FBXO42: variants seen among roughly 807,000 people sequenced by gnomAD.
The protein encoded by FBXO42 is F-box only protein 42.
FBXO42 carries 12 observed loss-of-function variants against 71.7 expected under a neutral mutation model. The ratio of observed to expected loss-of-function variants is 0.17; its 90% CI spans 0.11 to 0.27. FBXO42 has a LOEUF of 0.27. FBXO42 is among the 10% of genes least tolerant of loss of function. The probability of loss-of-function intolerance (pLI) is 1.00; values close to 1 mark genes in which losing one functional copy is unlikely to be tolerated. For missense variants in FBXO42, 707 were observed against 911.9 expected, an observed-to-expected ratio of 0.78 and a Z score of 2.89; for synonymous variants, 325 against 327.5, an observed-to-expected ratio of 0.99 and a Z score of 0.08.
intron 4 of FBXO42, among the ~76,000 whole-genome samples, chr1:16,269,584 G>A (rs2081816595): frequency 1.3e-5 from 2 of 151,812 alleles, no homozygotes; most frequent in Non-Finnish European, 2.9e-5. Flanking sequence ...GGAGTGCAAT[G>A]GCGTGATCTC....
intron 3 of FBXO42, among the ~76,000 whole-genome samples, chr1:16,305,358 A>G (rs922085016): frequency 1.3e-5 from 2 of 152,174 alleles, no homozygotes; most frequent in African/African-American, 4.8e-5. Flanking sequence ...ACCATATCAC[A>G]GCCTGGGTGA....
intron 4 of FBXO42, chr1:16,294,279 G>A (rs1341001200): frequency 6.6e-6 from 1 of 152,318 alleles, no homozygotes; most frequent in Non-Finnish European, 1.5e-5. Context: ...TTCTGGCATA[G>A]TGGGACTGGG....
At chr1:16,317,960 G>A (rs1429729754) in intron 1 of FBXO42, among the ~76,000 whole-genome samples, 1 of 151,730 alleles carries the variant, frequency 6.6e-6, no homozygotes, top group East Asian at 1.9e-4. Flanking sequence ...TATACTATAC[G>A]ATTACAATTA....
At position 16,325,621 on chromosome 1, in the gene FBXO42, A is replaced by G. The variant is rs143440560; in HGVS notation, c.-17-10186T>C. On this transcript the variant is annotated intron_variant, in intron 1 of 9. Coordinates refer to ENST00000375592, the MANE Select transcript of FBXO42 (RefSeq NM_018994.3). ...GAAAAAATTTAAAAATGGAAAAATA[A>G]AGTATTCCACAAACTACCCATCAAT... 1.5e-3 allele frequency among the ~76,000 whole-genome samples: 225 copies of G among 152,264 alleles called. 1 individual carries two copies. Among genetic ancestry groups the G allele is most frequent in the African/African-American group, 5.2e-3 (218 of 41,546 alleles).
At chr1:16,298,110 C>G (rs2082150944) in intron 3 of FBXO42, among the ~76,000 whole-genome samples, 1 of 151,948 alleles carries the variant, frequency 6.6e-6, no homozygotes, top group Admixed American at 6.6e-5. Flanking sequence ...CTGTAACTCC[C>G]AGCTACTGGG....
chr1:16,265,534 CATT>C (rs1216556994), intron 4 of FBXO42, among the ~76,000 whole-genome samples: 1 of 151,900 alleles, frequency 6.6e-6, no homozygotes, highest in African/African-American at 2.4e-5. Context: ...CTAATTTAAT[CATT>C]ATAACCTTAA....
chr1:16,325,830 T>G (rs1043434668), intron 1 of FBXO42, among the ~76,000 whole-genome samples: 2 of 152,106 alleles, frequency 1.3e-5, no homozygotes, highest in Non-Finnish European at 2.9e-5. Flanking sequence ...TTCACCATGC[T>G]GGCCAGGGTG....
At chr1:16,275,954 C>A (rs1254465030) in intron 4 of FBXO42, among the ~76,000 whole-genome samples, 1 of 151,914 alleles carries the variant, frequency 6.6e-6, no homozygotes, top group East Asian at 1.9e-4. Context: ...CAGAGTGAGA[C>A]CCCGTCTCAA....
In FBXO42 at chr1:16,251,951, T is replaced by G. The variant is rs568096626; in HGVS notation, c.1039-166A>C. Among the ~76,000 whole-genome samples the G allele has an allele frequency of 4.3e-4, 66 of 152,316 alleles. No homozygotes were observed. Among genetic ancestry groups the G allele is most frequent in the South Asian group, 4.1e-3 (20 of 4,828 alleles). ...TGCCCTCTAGGCTAGAAGTCAGACA[T>G]GGGAACAATCGCTGCTTTGTGTGAC... On this transcript the variant is annotated intron_variant, in intron 9 of 9. Transcript: ENST00000375592. This position sits in a 1 kb window ranked among gnomAD's most constrained non-coding sequence, Gnocchi z 4.5.
At chr1:16,265,116 G>A (rs963397254) in intron 4 of FBXO42, among the ~76,000 whole-genome samples, 6 of 152,102 alleles carry the variant, frequency 3.9e-5, no homozygotes, top group South Asian at 2.1e-4. Context: ...TTTTTGAGAC[G>A]GAGTTTCGCT....
At chr1:16,335,476 G>A (rs1205732436) in intron 1 of FBXO42, among the ~76,000 whole-genome samples, 5 of 152,108 alleles carry the variant, frequency 3.3e-5, no homozygotes, top group Non-Finnish European at 5.9e-5. Context: ...CAATTAGAGA[G>A]AATTAGCTGG....
intron 4 of FBXO42, among the ~76,000 whole-genome samples, chr1:16,284,594 G>A (rs560190540): frequency 1.3e-5 from 2 of 152,242 alleles, no homozygotes; most frequent in African/African-American, 2.4e-5. Flanking sequence ...CACTTTGGGA[G>A]GCCAAGATGG....
chr1:16,316,542 C>T (rs536961087), intron 1 of FBXO42, among the ~76,000 whole-genome samples: 37 of 151,678 alleles, frequency 2.4e-4, no homozygotes, highest in Non-Finnish European at 5.3e-4. Context: ...TCGAGACCAG[C>T]GTGGGCAACA....
chr1:16,312,628 C>T (rs890037267), intron 2 of FBXO42, among the ~76,000 whole-genome samples: 4 of 152,024 alleles, frequency 2.6e-5, no homozygotes, highest in African/African-American at 9.7e-5. Context: ...ATAGAATGCA[C>T]AACACCAAGC....
Position 16,250,500 on chromosome 1 carries a change from AT to A in FBXO42, c.*169del, listed in dbSNP as rs903992265. 0.01 allele frequency: 2,512 copies of A among 239,508 alleles called. 60 individuals carry two copies. The highest frequency in any genetic ancestry group is 0.054 in the African/African-American group (2,319 of 43,226). 14.8% of individuals were successfully genotyped at this position (239,508 alleles called of 1,614,324 possible). On this transcript the variant is annotated 3_prime_UTR_variant, in exon 10 of 10. Transcript: ENST00000375592. The surrounding 1 kb of genome is among the most constrained non-coding windows in gnomAD (Gnocchi z 4.7). ...ATATATATATATATATTTATATATA[AT>A]TTTTTTTCTTAATGGAGATTTGATC...
rs1227940305 is a variant in FBXO42 at position 16,336,082 on chromosome 1, C to T, written c.-18+16173G>A. Among the ~76,000 whole-genome samples, 3 of 151,460 alleles carry T rather than the reference C, an allele frequency of 2.0e-5. No individual in the cohort carries two copies. In the East Asian group the frequency reaches 6.0e-4, roughly 30 times the overall value. Reference sequence around the variant, plus strand: ...CCTCCTAAGTTGCTGGGATTACAGGCGCCTGCCACCATGCCCGGCTAATTT... The same window carrying T: ...CCTCCTAAGTTGCTGGGATTACAGGTGCCTGCCACCATGCCCGGCTAATTT... On this transcript the variant is annotated intron_variant, in intron 1 of 9. Coordinates refer to ENST00000375592, the MANE Select transcript of FBXO42 (RefSeq NM_018994.3).
intron 1 of FBXO42, among the ~76,000 whole-genome samples, chr1:16,328,738 T>A (rs2082471349): frequency 1.3e-5 from 2 of 152,016 alleles, no homozygotes; most frequent in African/African-American, 4.8e-5. Flanking sequence ...CTAATACCGT[T>A]CTCCAATAAA....
At chr1:16,333,744 G>T (rs1039268310) in intron 1 of FBXO42, among the ~76,000 whole-genome samples, 2 of 152,110 alleles carry the variant, frequency 1.3e-5, no homozygotes, top group Non-Finnish European at 2.9e-5. Context: ...CTTAAGATGT[G>T]GTGTCCAGAA....
In FBXO42 at chr1:16,252,627, G is replaced by T. The variant is rs796153578; in HGVS notation, c.922-223C>A. ...TGGCTTAGCACATGGAATTGTGCTT[G>T]TGACCCATGAATCAACTGAGTGGTT... On this transcript the variant is annotated intron_variant, in intron 8 of 9. Coordinates refer to ENST00000375592, the MANE Select transcript of FBXO42 (RefSeq NM_018994.3). This position sits in a 1 kb window ranked among gnomAD's most constrained non-coding sequence, Gnocchi z 4.4. Among the ~76,000 whole-genome samples, 1 of 152,208 alleles carries T rather than the reference G, an allele frequency of 6.6e-6. No homozygotes were observed. The highest frequency in any genetic ancestry group is 2.1e-4 in the South Asian group (1 of 4,834).
Sources: gnomAD v4.1 joint callset for allele counts (sites outside exome capture counted in the v4.1 genomes callset) on GRCh38, gnomAD v4.1.1 for gene constraint, Gnocchi (gnomAD v3.1) non-coding constraint, MANE v1.5 for transcripts, NCBI Gene and HGNC (gene_info 2026-07-23, HGNC 2026-07-21) for gene names.